Variants in TSNARE1 observed in about 807,000 individuals in gnomAD.
The protein encoded by TSNARE1 is t-SNARE domain containing 1, also known as t-SNARE domain-containing protein 1.
Under a neutral mutation model 62.0 loss-of-function variants are expected in TSNARE1, and 49 were observed. That is an observed-to-expected ratio of 0.79 (90% CI 0.63 to 1.00). TSNARE1 has a LOEUF of 1.00. TSNARE1 is among the 50% of genes least tolerant of loss of function. The pLI is 0.00. For missense variants in TSNARE1, 755 were observed against 700.1 expected (o/e 1.08, Z -0.88); for synonymous variants, 328 against 294.4 (o/e 1.11, Z -1.17).
chr8:142,270,500 A>ATT (rs1819431260), intron 12 of TSNARE1: 1 of 900,318 alleles, frequency 1.1e-6, no homozygotes, highest in Admixed American at 7.2e-5. Flanking sequence ...ATATATATAT[A>ATT]TATTTATGTA....
chr8:142,404,617 C>A (rs1048012575), upstream of TSNARE1: 2 of 152,338 alleles, frequency 1.3e-5, no homozygotes, highest in African/African-American at 4.8e-5. Context: ...CTTGCAGCCT[C>A]GCCATGATTT....
rs1216531883 is a variant in TSNARE1 at position 142,229,493 on chromosome 8, G to A, written c.1533C>T (p.Val511=). The A allele has an allele frequency of 1.2e-5, 19 of 1,614,110 alleles. No individual in the cohort carries two copies. Among genetic ancestry groups the A allele is most frequent in the Admixed American group, 5.0e-5 (3 of 60,004 alleles). ...CTCACCACGGGTAGCATCACTTTCG[G>A]ACAGAGGTGGCGATGATGATGATGA... ...LVIIIIIATS[V]RK Residue 511 remains valine, a synonymous_variant, in exon 13 of 14, where the codon GTC becomes GTT. Coordinates refer to ENST00000524325, the MANE Select transcript of TSNARE1 (RefSeq NM_145003.5).
At chr8:142,233,171 A>AC (rs1817210727) in intron 12 of TSNARE1, among the ~76,000 whole-genome samples, 1 of 152,174 alleles carries the variant, frequency 6.6e-6, no homozygotes, top group Non-Finnish European at 1.5e-5. Flanking sequence ...CTGCAGAGGG[A>AC]CCTTCCTTAA....
chr8:142,313,493 GTGTT>G (rs1447269987), intron 9 of TSNARE1, among the ~76,000 whole-genome samples: 3 of 151,942 alleles, frequency 2.0e-5, no homozygotes, highest in Non-Finnish European at 4.4e-5. Context: ...GTGTCTCTGT[GTGTT>G]TATCTGCATG....
At chr8:142,273,368 C>T (rs751212767) in intron 12 of TSNARE1, 75 of 985,294 alleles carry the variant, frequency 7.6e-5, no homozygotes, top group Non-Finnish European at 8.3e-5. Flanking sequence ...TCCACCTTGC[C>T]CGTCACCAGG....
intron 1 of TSNARE1, among the ~76,000 whole-genome samples, chr8:142,395,989 G>A (rs1446921612): frequency 6.6e-6 from 1 of 151,516 alleles, no homozygotes; most frequent in Non-Finnish European, 1.5e-5. Context: ...GTCCAGGGCA[G>A]ACGCCTGTGG....
intron 1 of TSNARE1, among the ~76,000 whole-genome samples, chr8:142,400,987 C>T (rs1838248858): frequency 6.6e-6 from 1 of 152,158 alleles, no homozygotes; most frequent in African/African-American, 2.4e-5. Context: ...TGCAGACACT[C>T]ACCACCCCTT....
intron 12 of TSNARE1, among the ~76,000 whole-genome samples, chr8:142,257,446 C>T (rs768892111): frequency 5.3e-5 from 8 of 152,084 alleles, no homozygotes; most frequent in Non-Finnish European, 1.2e-4. Context: ...TCCTGGAGAC[C>T]CCCAGGCAGG....
rs139269921 is a variant in TSNARE1 at position 142,303,680 on chromosome 8, G to A, written c.1132-3036C>T. 9.1e-4 allele frequency among the ~76,000 whole-genome samples: 139 copies of A among 152,352 alleles called. 2 individuals are homozygous for A. In the East Asian group the frequency reaches 0.024, roughly 27 times the overall value. Reference sequence around the variant, plus strand: ...GATCTACAAACAAGCACTTCATTGCGTTTCTGGCAGAAGCCACCCCAGGCA... The same window carrying A: ...GATCTACAAACAAGCACTTCATTGCATTTCTGGCAGAAGCCACCCCAGGCA... On this transcript the variant is annotated intron_variant, in intron 9 of 13. Transcript: ENST00000524325.
chr8:142,278,202 C>T (rs898746347), intron 11 of TSNARE1: 39 of 985,326 alleles, frequency 4.0e-5, no homozygotes, highest in Non-Finnish European at 4.6e-5. Context: ...TGTCCAAGCC[C>T]AGCCACAGGG....
chr8:142,297,178 G>T (rs1210551801), intron 10 of TSNARE1, among the ~76,000 whole-genome samples: 1 of 152,216 alleles, frequency 6.6e-6, no homozygotes, highest in Non-Finnish European at 1.5e-5. Context: ...CCTTTGTTTT[G>T]TCCCAAGGAT....
intron 11 of TSNARE1, chr8:142,276,715 C>G (rs1820563286): frequency 1.0e-6 from 1 of 985,316 alleles, no homozygotes; most frequent in African/African-American, 1.7e-5. Flanking sequence ...AGCCCTGGCC[C>G]TGGGGACTCT....
At chr8:142,302,113 C>T (rs1825881054) in intron 9 of TSNARE1, among the ~76,000 whole-genome samples, 1 of 152,166 alleles carries the variant, frequency 6.6e-6, no homozygotes, top group African/African-American at 2.4e-5. Context: ...GAGTTCACAG[C>T]CACCCAAGCC....
intron 1 of TSNARE1, among the ~76,000 whole-genome samples, chr8:142,393,990 T>C (rs916144555): frequency 2.0e-5 from 3 of 152,240 alleles, no homozygotes; most frequent in African/African-American, 7.2e-5. Flanking sequence ...TACTAAAACC[T>C]GAGGGATGTT....
intron 1 of TSNARE1, among the ~76,000 whole-genome samples, chr8:142,374,532 AGCCAG>A (rs1298717606): frequency 6.6e-6 from 1 of 151,856 alleles, no homozygotes; most frequent in African/African-American, 2.4e-5. Context: ...CAAAAAAATT[AGCCAG>A]GCGTGATGGC....
intron 6 of TSNARE1, among the ~76,000 whole-genome samples, chr8:142,329,807 A>G (rs1830751589): frequency 6.6e-6 from 1 of 152,238 alleles, no homozygotes; most frequent in Non-Finnish European, 1.5e-5. Flanking sequence ...GTCACATCAG[A>G]AAACACTTAA....
At chr8:142,306,301 C>T (rs1311844658) in intron 9 of TSNARE1, among the ~76,000 whole-genome samples, 2 of 152,226 alleles carry the variant, frequency 1.3e-5, no homozygotes, top group Non-Finnish European at 2.9e-5. Context: ...CAATTTCCAG[C>T]CAGCCCGTGA....
intron 4 of TSNARE1, among the ~76,000 whole-genome samples, chr8:142,338,755 G>C (rs1832127768): frequency 6.6e-6 from 1 of 152,264 alleles, no homozygotes; most frequent in Non-Finnish European, 1.5e-5. Flanking sequence ...TGTGCAGCCT[G>C]ACTTGGCTTG....
chr8:142,326,557 G>A (rs1249415443), intron 6 of TSNARE1, among the ~76,000 whole-genome samples: 2 of 134,084 alleles, frequency 1.5e-5, no homozygotes, highest in Non-Finnish European at 3.1e-5. Flanking sequence ...CAGCACCAGC[G>A]AAGGGGAGGG....
Sources: gnomAD v4.1 joint callset for allele counts (sites outside exome capture counted in the v4.1 genomes callset) on GRCh38, gnomAD v4.1.1 for gene constraint, MANE v1.5 for transcripts, NCBI Gene and HGNC (gene_info 2026-07-23, HGNC 2026-07-21) for gene names.